Variants in P2RX5 observed in about 807,000 individuals in gnomAD.
P2RX5 encodes purinergic receptor P2X 5, also known as P2X purinoceptor 5.
A neutral mutation model predicts 54.1 loss-of-function variants in P2RX5; 46 were observed. The observed-to-expected ratio is 0.85, with a 90% CI of 0.67 to 1.09. The LOEUF is 1.09. P2RX5 is among the 50% of genes least tolerant of loss of function. The pLI is 0.00. For synonymous variants in P2RX5, 226 were observed against 226.4 expected, an observed-to-expected ratio of 1.00 and a Z score of 0.02; for missense variants, 566 against 549.8, an observed-to-expected ratio of 1.03 and a Z score of -0.29.
the P2RX5 span, among the ~76,000 whole-genome samples, chr17:3,713,088 G>A: frequency 6.6e-6 from 1 of 152,344 alleles, no homozygotes; most frequent in Admixed American, 6.5e-5. Context: ...AACAGGTCAG[G>A]CGCAGTGGCT....
the P2RX5 span, among the ~76,000 whole-genome samples, chr17:3,715,567 A>G: frequency 6.6e-6 from 1 of 152,168 alleles, no homozygotes; most frequent in African/African-American, 2.4e-5. Context: ...TTGTTGGGAG[A>G]AAAAAGCAAG....
the P2RX5 span, chr17:3,723,795 T>C: frequency 6.3e-7 from 1 of 1,596,958 alleles, no homozygotes; most frequent in Middle Eastern, 1.7e-4. Context: ...AGCCGCCAGT[T>C]TTCCGTCCCG....
chr17:3,673,606 G>T lies in P2RX5; in HGVS notation c.*262C>A. ...CCATTTACAACCCGTTCCCTAGTGC[G>T]GGAAGCCAGCCACGGAGAAAGGAAG... On this transcript the variant is annotated 3_prime_UTR_variant, in exon 12 of 12. Coordinates refer to ENST00000225328, the MANE Select transcript of P2RX5 (RefSeq NM_002561.4). 1 of 1,415,692 alleles carries T rather than the reference G, an allele frequency of 7.1e-7. No individual in the cohort carries two copies. The highest frequency in any genetic ancestry group is 9.2e-7 in the Non-Finnish European group (1 of 1,087,344). The allele number at this position is 1,415,692 out of a possible 1,614,324, so 87.7% of individuals were successfully genotyped here. A position where few individuals can be genotyped will look rare whatever the true frequency, so the allele number is the denominator to read the frequency against.
chr17:3,712,485 C>G, the P2RX5 span, among the ~76,000 whole-genome samples: 2 of 152,246 alleles, frequency 1.3e-5, no homozygotes, highest in African/African-American at 4.8e-5. Context: ...AAAAGCCCTC[C>G]CATTACAACC....
At chr17:3,723,261 A>T in the P2RX5 span, 3 of 1,465,400 alleles carry the variant, frequency 2.0e-6, no homozygotes, top group Non-Finnish European at 2.9e-6. Flanking sequence ...TGGATAATCA[A>T]ATCTGGAGCA....
chr17:3,704,433 G>C, the P2RX5 span, among the ~76,000 whole-genome samples: 4 of 152,182 alleles, frequency 2.6e-5, no homozygotes, highest in Non-Finnish European at 5.9e-5. Flanking sequence ...CTTTTGCTGA[G>C]GTCCTTCCAT....
At chr17:3,706,445 C>T in the P2RX5 span, among the ~76,000 whole-genome samples, 3 of 152,056 alleles carry the variant, frequency 2.0e-5, no homozygotes, top group Non-Finnish European at 4.4e-5. Context: ...AGTTAAAATT[C>T]GTCTCCTGAA....
At chr17:3,699,095 C>A (rs2654685), upstream of P2RX5, among the ~76,000 whole-genome samples, 2,056 of 100,060 alleles carry the variant, frequency 0.021, 50 homozygotes, top group East Asian at 0.051. Context: ...ACACACACAC[C>A]TATATATATA....
chr17:3,690,344 G>A, intron 5 of P2RX5, 83 bp downstream of exon 5: 1 of 1,217,260 alleles, frequency 8.2e-7, no homozygotes, highest in Non-Finnish European at 1.2e-6. Flanking sequence ...GGCTCCCAGA[G>A]TGGGCAGGAC....
rs759279098 is a variant in P2RX5, at chr17:3,690,430, G to C, written c.530C>G (p.Pro177Arg). 1.2e-6 allele frequency: 2 copies of C among 1,608,254 alleles called. No homozygotes were observed. Among genetic ancestry groups the C allele is most frequent in the East Asian group, 2.2e-5 (1 of 44,594 alleles). The change falls in exon 5 of 12, where the codon CCG (proline) becomes CGG (arginine). Residue 177 changes from proline to arginine, a missense_variant. Transcript: ENST00000225328. ...AWCPLETSSR[P>R]EEPFLKEAED... ...TCCTGAGGCTGCAGCCACTCACTCC[G>C]GCCTGGAGCTTGTCTCCAACGGGCA... is the stretch of plus-strand genomic sequence containing the variant.
At chr17:3,689,653 C>T (rs368141463) in intron 6 of P2RX5, 23 bp from the exon 7 acceptor site, 100 of 1,613,858 alleles carry the variant, frequency 6.2e-5, no homozygotes, top group Non-Finnish European at 7.7e-5. Context: ...CATGGGCAGC[C>T]GAGAAATGAA....
the P2RX5 span, among the ~76,000 whole-genome samples, chr17:3,721,182 G>C: frequency 6.7e-6 from 1 of 148,962 alleles, no homozygotes. Flanking sequence ...ACCCACCTTA[G>C]CCTCCCACAG....
upstream of P2RX5, among the ~76,000 whole-genome samples, chr17:3,699,898 G>GA (rs1194016494): frequency 1.8e-4 from 6 of 32,676 alleles, 1 homozygote; most frequent in East Asian, 1.8e-3. Context: ...AGGAAGGAAG[G>GA]AAGGAAGGAA....
the P2RX5 span, among the ~76,000 whole-genome samples, chr17:3,720,955 A>G: frequency 6.6e-6 from 1 of 152,024 alleles, no homozygotes; most frequent in East Asian, 1.9e-4. Flanking sequence ...TTGAGACAGG[A>G]TCTCGCTCTG....
At chr17:3,723,532 C>A in the P2RX5 span, 1 of 997,176 alleles carries the variant, frequency 1.0e-6, no homozygotes, top group Non-Finnish European at 1.5e-6. Flanking sequence ...GAAGCTCCAG[C>A]GGGAGCAATT....
upstream of P2RX5, among the ~76,000 whole-genome samples, chr17:3,696,959 G>A (rs921687582): frequency 3.9e-5 from 6 of 152,118 alleles, no homozygotes; most frequent in Non-Finnish European, 8.8e-5. Context: ...TCCCCCACAG[G>A]CTGGAAGAGA....
chr17:3,690,723 G>T, intron 3 of P2RX5, 43 bp from the exon 4 acceptor site: 2 of 1,579,558 alleles, frequency 1.3e-6, no homozygotes, highest in Non-Finnish European at 1.7e-6. Flanking sequence ...GGTTCCCCCA[G>T]CTCAGAGCCG....
At chr17:3,703,671 GA>G in the P2RX5 span, among the ~76,000 whole-genome samples, 3 of 152,186 alleles carry the variant, frequency 2.0e-5, no homozygotes, top group African/African-American at 7.2e-5. Flanking sequence ...TGCAGCCTCT[GA>G]AGACACGTGG....
At chr17:3,698,399 C>T (rs549542725), upstream of P2RX5, among the ~76,000 whole-genome samples, 1 of 152,224 alleles carries the variant, frequency 6.6e-6, no homozygotes, top group South Asian at 2.1e-4. Context: ...CTCTCCACTC[C>T]CCAAGGGAGT....
Sources: allele counts gnomAD v4.1 joint callset (sites outside exome capture counted in the v4.1 genomes callset), GRCh38; gene constraint gnomAD v4.1.1; transcripts MANE v1.5; gene names NCBI Gene and HGNC (gene_info 2026-07-23, HGNC 2026-07-21).